The following NETO2 variants were observed in gnomAD, a reference collection of about 807,000 sequenced individuals.
NETO2 encodes the protein neuropilin and tolloid-like protein 2.
In NETO2, 28 loss-of-function variants were observed where a neutral mutation model predicts 62.5. The observed-to-expected ratio is 0.45, with a 90% CI of 0.33 to 0.61. The LOEUF (loss-of-function observed/expected upper bound fraction) is 0.61. Ranked by LOEUF, NETO2 falls within the 20% of genes least tolerant of loss-of-function variation. NETO2 has a pLI of 0.02. For synonymous variants in NETO2, 214 were observed against 219.1 expected, an observed-to-expected ratio of 0.98 and a Z score of 0.21; for missense variants, 548 against 643.2, an observed-to-expected ratio of 0.85 and a Z score of 1.60.
chr16:47,085,756 A>G (rs1237007196), intron 8 of NETO2, among the ~76,000 whole-genome samples: 2 of 152,042 alleles, frequency 1.3e-5, no homozygotes, highest in Non-Finnish European at 2.9e-5. Context: ...TTTTCACCAC[A>G]TCCCAGGTCT....
At chr16:47,091,277 T>C (rs2143820542) in intron 7 of NETO2, among the ~76,000 whole-genome samples, 1 of 152,330 alleles carries the variant, frequency 6.6e-6, no homozygotes, top group East Asian at 1.9e-4. Context: ...TATTCTTACA[T>C]TTGGTGATTA....
In NETO2 at chr16:47,114,946, C is replaced by A. The variant is rs137914684; in HGVS notation, c.655-5235G>T. On this transcript the variant is annotated intron_variant, in intron 6 of 8. Coordinates refer to ENST00000562435, the MANE Select transcript of NETO2 (RefSeq NM_018092.5). Reference sequence around the variant, plus strand: ...CACCTACACTCAACAGGTGAGGGTTCATTTTTTTTTTCTTTGAATATGGAG... The same window carrying A: ...CACCTACACTCAACAGGTGAGGGTTAATTTTTTTTTTCTTTGAATATGGAG... Among the ~76,000 whole-genome samples, 646 of 152,090 alleles carry A rather than the reference C, an allele frequency of 4.2e-3. 5 individuals are homozygous for A. The highest frequency in any genetic ancestry group is 0.015 in the African/African-American group (615 of 41,480).
At chr16:47,115,712 T>C (rs573509967) in intron 6 of NETO2, among the ~76,000 whole-genome samples, 38 of 134,802 alleles carry the variant, frequency 2.8e-4, no homozygotes, top group African/African-American at 7.4e-4. Flanking sequence ...TATATATATA[T>C]ACATATATAT....
intron 7 of NETO2, among the ~76,000 whole-genome samples, chr16:47,099,107 C>G (rs908647898): frequency 1.3e-5 from 2 of 152,162 alleles, no homozygotes; most frequent in Admixed American, 1.3e-4. Context: ...ATCCACCTGC[C>G]TTGGCCTCCC....
Position 47,122,801 on chromosome 16 carries a change from A to C in NETO2, c.527-17T>G, listed in dbSNP as rs1436150990. 1.2e-6 allele frequency: 2 copies of C among 1,613,890 alleles called. No homozygotes were observed. The highest frequency in any genetic ancestry group is 1.1e-5 in the South Asian group (1 of 91,050). On this transcript the variant is annotated splice_polypyrimidine_tract_variant and intron_variant, in intron 5 of 8. Transcript: ENST00000562435. ...ACTGACAATCTGGAAGGAATACATG[A>C]AAGGTGTTCAAAGGAACATAAGACT...
intron 3 of NETO2, among the ~76,000 whole-genome samples, chr16:47,128,861 C>T (rs1177132705): frequency 6.6e-6 from 1 of 152,114 alleles, no homozygotes; most frequent in African/African-American, 2.4e-5. Context: ...CAAGATACAA[C>T]GTACCACAAT....
intron 8 of NETO2, among the ~76,000 whole-genome samples, chr16:47,084,704 A>G (rs1409786130): frequency 1.3e-5 from 2 of 152,188 alleles, no homozygotes; most frequent in East Asian, 1.9e-4. Context: ...TTATTTTCCC[A>G]TTCAGTATGA....
chr16:47,116,242 T>C (rs1963920026), intron 6 of NETO2, among the ~76,000 whole-genome samples: 2 of 151,038 alleles, frequency 1.3e-5, no homozygotes, highest in Admixed American at 1.3e-4. Flanking sequence ...TGTATCAGCC[T>C]CCTTAACAGC....
intron 1 of NETO2, among the ~76,000 whole-genome samples, chr16:47,137,289 T>C (rs1964377442): frequency 6.6e-6 from 1 of 152,178 alleles, no homozygotes; most frequent in African/African-American, 2.4e-5. Context: ...GAGACTCTGA[T>C]CCACTGGGTC....
intron 6 of NETO2, among the ~76,000 whole-genome samples, chr16:47,121,437 A>G (rs1350098415): frequency 6.6e-6 from 1 of 152,174 alleles, no homozygotes; most frequent in Non-Finnish European, 1.5e-5. Context: ...TTTGGACTTC[A>G]TGACTCCTGG....
At chr16:47,143,040 G>A (rs1171770623) in intron 1 of NETO2, among the ~76,000 whole-genome samples, 2 of 151,888 alleles carry the variant, frequency 1.3e-5, no homozygotes, top group Non-Finnish European at 2.9e-5. Flanking sequence ...AGCCTCCGTG[G>A]CCGCAGCAGG....
At chr16:47,132,817 G>T (rs1056553619) in intron 1 of NETO2, among the ~76,000 whole-genome samples, 6 of 152,202 alleles carry the variant, frequency 3.9e-5, no homozygotes, top group Non-Finnish European at 8.8e-5. Context: ...CACAGGTGTG[G>T]AGAGAGAAAT....
intron 7 of NETO2, among the ~76,000 whole-genome samples, chr16:47,088,597 A>T (rs1963248062): frequency 6.6e-6 from 1 of 152,086 alleles, no homozygotes; most frequent in Non-Finnish European, 1.5e-5. Flanking sequence ...TTCAAGATAG[A>T]GTATCTAAAA....
At chr16:47,133,629 A>C (rs1385963200) in intron 1 of NETO2, among the ~76,000 whole-genome samples, 3 of 147,638 alleles carry the variant, frequency 2.0e-5, no homozygotes, top group South Asian at 2.1e-4. Flanking sequence ...AATAAAATAA[A>C]ATAAAATAAA....
chr16:47,125,982 A>ACTCC (rs1964149974), intron 4 of NETO2, among the ~76,000 whole-genome samples: 1 of 151,850 alleles, frequency 6.6e-6, no homozygotes, highest in Non-Finnish European at 1.5e-5. Context: ...TTAAACATTA[A>ACTCC]CTCCCCTTCC....
chr16:47,116,898 A>T (rs1567392295), intron 6 of NETO2, among the ~76,000 whole-genome samples: 1 of 152,214 alleles, frequency 6.6e-6, no homozygotes, highest in Non-Finnish European at 1.5e-5. Context: ...TTTCTGGCAT[A>T]GAGCTGTTCC....
chr16:47,114,895 T>G (rs994144970), intron 6 of NETO2, among the ~76,000 whole-genome samples: 1 of 152,180 alleles, frequency 6.6e-6, no homozygotes, highest in Non-Finnish European at 1.5e-5. Context: ...AATTTTTAAA[T>G]ACAGTGTTGG....
chr16:47,114,877 T>G (rs1039056311), intron 6 of NETO2, among the ~76,000 whole-genome samples: 11 of 152,178 alleles, frequency 7.2e-5, no homozygotes, highest in African/African-American at 2.4e-4. Context: ...CATGATTTAT[T>G]TTGAGTTAAT....
intron 7 of NETO2, among the ~76,000 whole-genome samples, chr16:47,092,834 T>C (rs893741559): frequency 6.6e-6 from 1 of 152,174 alleles, no homozygotes; most frequent in Non-Finnish European, 1.5e-5. Context: ...CCCAAGGAGC[T>C]CACCATGTCC....
Sources: allele counts gnomAD v4.1 joint callset (sites outside exome capture counted in the v4.1 genomes callset), GRCh38; gene constraint gnomAD v4.1.1; transcripts MANE v1.5; gene names NCBI Gene and HGNC (gene_info 2026-07-23, HGNC 2026-07-21).